Variants in SNX29 observed in about 807,000 individuals in gnomAD.
SNX29 encodes sorting nexin 29.
In SNX29, 78 loss-of-function variants were observed where a neutral mutation model predicts 102.1. That is an observed-to-expected ratio of 0.76 (90% CI 0.64 to 0.92). The LOEUF (loss-of-function observed/expected upper bound fraction) is 0.92. SNX29 is among the 40% of genes least tolerant of loss of function. The pLI is 0.00. For missense variants in SNX29, 1,280 were observed against 1,061.7 expected (o/e 1.21, Z -2.86); for synonymous variants, 580 against 414.5 (o/e 1.40, Z -4.85).
chr16:12,294,813 C>G (rs1487930794), intron 15 of SNX29, among the ~76,000 whole-genome samples: 1 of 152,024 alleles, frequency 6.6e-6, no homozygotes, highest in African/African-American at 2.4e-5. Context: ...CTGGAGCTCC[C>G]GGGAAGAGAT....
chr16:12,526,861 A>G, intron 20 of SNX29: 1 of 401,934 alleles, frequency 2.5e-6, no homozygotes. Flanking sequence ...TAAAAAGTGC[A>G]CGTTAATGCG....
chr16:12,327,975 T>A (rs1281382859), intron 15 of SNX29, among the ~76,000 whole-genome samples: 1 of 152,094 alleles, frequency 6.6e-6, no homozygotes, highest in Admixed American at 6.5e-5. Flanking sequence ...CCGGAGACCA[T>A]ATTCAGACAC....
intron 14 of SNX29, among the ~76,000 whole-genome samples, chr16:12,266,900 A>G (rs1402751324): frequency 1.3e-5 from 2 of 152,014 alleles, no homozygotes; most frequent in African/African-American, 2.4e-5. Context: ...AGTAGCTGGG[A>G]TTACAGACAC....
chr16:12,298,615 G>A (rs2080059308), intron 15 of SNX29, among the ~76,000 whole-genome samples: 1 of 152,144 alleles, frequency 6.6e-6, no homozygotes, highest in Non-Finnish European at 1.5e-5. Flanking sequence ...ATATATGCAT[G>A]TTGTGTGTTT....
chr16:12,517,749 A>C (rs2089927760), intron 19 of SNX29, among the ~76,000 whole-genome samples: 1 of 152,138 alleles, frequency 6.6e-6, no homozygotes, highest in African/African-American at 2.4e-5. Flanking sequence ...TGAAGGAATG[A>C]GACTATCCCA....
At chr16:12,545,074 C>T (rs1020752918) in intron 20 of SNX29, among the ~76,000 whole-genome samples, 6 of 152,168 alleles carry the variant, frequency 3.9e-5, no homozygotes, top group African/African-American at 9.7e-5. Context: ...CCACGAAATG[C>T]ACTGTGCCAG....
intron 13 of SNX29, among the ~76,000 whole-genome samples, chr16:12,132,354 C>A (rs941993590): frequency 1.3e-5 from 2 of 152,218 alleles, no homozygotes; most frequent in Non-Finnish European, 2.9e-5. Context: ...CCTGCCTCAG[C>A]CTTCCAAAGT....
intron 11 of SNX29, among the ~76,000 whole-genome samples, chr16:12,090,953 C>T (rs1057362034): frequency 2.1e-4 from 27 of 126,902 alleles, no homozygotes; most frequent in African/African-American, 6.7e-4. Flanking sequence ...AAGTGGAGGT[C>T]GCAGTGAGAC....
At chr16:12,013,182 A>T (rs1338278348) in intron 3 of SNX29, among the ~76,000 whole-genome samples, 1 of 151,782 alleles carries the variant, frequency 6.6e-6, no homozygotes, top group Non-Finnish European at 1.5e-5. Context: ...TCATGGCTCT[A>T]CCATGGAAGC....
At chr16:12,543,593 C>T (rs1387737633) in intron 20 of SNX29, among the ~76,000 whole-genome samples, 1 of 152,226 alleles carries the variant, frequency 6.6e-6, no homozygotes, top group African/African-American at 2.4e-5. Flanking sequence ...CGTCCCAGTT[C>T]ATCCTCCCCG....
intron 15 of SNX29, among the ~76,000 whole-genome samples, chr16:12,278,381 A>T (rs1242218886): frequency 6.6e-6 from 1 of 152,232 alleles, no homozygotes; most frequent in Non-Finnish European, 1.5e-5. Context: ...AATATGGATG[A>T]GGTGAACTAT....
intron 20 of SNX29, among the ~76,000 whole-genome samples, chr16:12,539,773 C>G (rs191297231): frequency 2.6e-5 from 4 of 152,170 alleles, no homozygotes; most frequent in African/African-American, 9.7e-5. Flanking sequence ...TTGCATTTTC[C>G]TAATGAGTAA....
rs186946754 is a variant in SNX29 at position 12,549,537 on chromosome 16, C to A, written c.2319-18969C>A. Among the ~76,000 whole-genome samples the A allele has an allele frequency of 5.1e-3, 778 of 152,304 alleles. 6 individuals carry two copies. Among genetic ancestry groups the A allele is most frequent in the Non-Finnish European group, 8.9e-3 (607 of 68,024 alleles). On this transcript the variant is annotated intron_variant, in intron 20 of 20. Transcript: ENST00000566228. Reference sequence around the variant, plus strand: ...ATTTTTCATCCTCTATCTCAAATAGCCAGTAAGGCATGGAGTGGGCTTCCA... The same window carrying A: ...ATTTTTCATCCTCTATCTCAAATAGACAGTAAGGCATGGAGTGGGCTTCCA...
chr16:11,980,656 C>T (rs1372483335), intron 1 of SNX29, among the ~76,000 whole-genome samples: 1 of 152,202 alleles, frequency 6.6e-6, no homozygotes, highest in African/African-American at 2.4e-5. Context: ...TGTTTCTCCA[C>T]ACCTTCCCCA....
At chr16:12,518,452 C>T (rs866670524) in intron 19 of SNX29, among the ~76,000 whole-genome samples, 22 of 152,206 alleles carry the variant, frequency 1.4e-4, no homozygotes, top group Non-Finnish European at 5.9e-5. Flanking sequence ...CCTTCCCCCA[C>T]CCTCAGGGCA....
At chr16:12,555,466 C>T (rs373574568) in intron 20 of SNX29, among the ~76,000 whole-genome samples, 35 of 151,974 alleles carry the variant, frequency 2.3e-4, no homozygotes, top group African/African-American at 6.3e-4. Flanking sequence ...CCCTAGTTGA[C>T]ATGTCTGAGG....
intron 18 of SNX29, among the ~76,000 whole-genome samples, chr16:12,420,899 G>C (rs943752470): frequency 1.3e-5 from 2 of 152,228 alleles, no homozygotes; most frequent in African/African-American, 4.8e-5. Flanking sequence ...GCGCTGCTGA[G>C]AGCACCACCT....
chr16:12,247,130 G>A (rs1239987156), intron 14 of SNX29, among the ~76,000 whole-genome samples: 1 of 152,142 alleles, frequency 6.6e-6, no homozygotes, highest in Non-Finnish European at 1.5e-5. Flanking sequence ...ATTTTAAATT[G>A]ATCACCTTCC....
chr16:11,983,900 C>T (rs2055491920), intron 1 of SNX29, among the ~76,000 whole-genome samples: 2 of 152,096 alleles, frequency 1.3e-5, no homozygotes, highest in South Asian at 4.1e-4. Flanking sequence ...AGGGGGTGAA[C>T]ACTGGTTCTC....
Sources: gnomAD v4.1 joint callset for allele counts (sites outside exome capture counted in the v4.1 genomes callset) on GRCh38, gnomAD v4.1.1 for gene constraint, MANE v1.5 for transcripts, NCBI Gene and HGNC (gene_info 2026-07-23, HGNC 2026-07-21) for gene names.